RXFP1: variants seen among roughly 807,000 people sequenced by gnomAD.
The protein encoded by RXFP1 is relaxin receptor 1.
RXFP1 carries 73 observed loss-of-function variants against 89.8 expected under a neutral mutation model. The observed-to-expected ratio is 0.81, with a 90% CI of 0.67 to 0.99. The LOEUF is 0.99. RXFP1 is among the 50% of genes least tolerant of loss of function. The pLI is 0.00. For missense variants in RXFP1, 793 were observed against 895.5 expected (o/e 0.89, Z 1.46); for synonymous variants, 277 against 305.5 (o/e 0.91, Z 0.97).
At chr4:158,628,075 T>C (rs1191504923) in intron 10 of RXFP1, among the ~76,000 whole-genome samples, 1 of 152,164 alleles carries the variant, frequency 6.6e-6, no homozygotes, top group African/African-American at 2.4e-5. Flanking sequence ...AAAAGCCCTT[T>C]AAAACTTAGT....
At chr4:158,546,305 C>A (rs998502637) in intron 1 of RXFP1, among the ~76,000 whole-genome samples, 7 of 152,102 alleles carry the variant, frequency 4.6e-5, no homozygotes, top group Non-Finnish European at 1.0e-4. Flanking sequence ...GATTTTGTAT[C>A]CCGAGACTTT....
intron 4 of RXFP1, among the ~76,000 whole-genome samples, chr4:158,601,540 G>C (rs1227233641): frequency 6.6e-6 from 1 of 152,164 alleles, no homozygotes; most frequent in African/African-American, 2.4e-5. Flanking sequence ...TGAGCCACTT[G>C]ATTCCAGTTG....
chr4:158,568,916 A>G (rs1168748305), intron 1 of RXFP1, among the ~76,000 whole-genome samples: 3 of 152,240 alleles, frequency 2.0e-5, no homozygotes, highest in South Asian at 4.1e-4. Flanking sequence ...TTTAATGATT[A>G]TTCAAACTAT....
At chr4:158,580,491 A>G (rs1757131658) in intron 2 of RXFP1, among the ~76,000 whole-genome samples, 1 of 152,168 alleles carries the variant, frequency 6.6e-6, no homozygotes, top group Non-Finnish European at 1.5e-5. Flanking sequence ...CCACTTCTCA[A>G]ATGTACACAG....
At chr4:158,558,674 T>A (rs970202627) in intron 1 of RXFP1, among the ~76,000 whole-genome samples, 5 of 152,192 alleles carry the variant, frequency 3.3e-5, no homozygotes, top group Non-Finnish European at 5.9e-5. Flanking sequence ...ATACATTTGA[T>A]AATCAAAACT....
At chr4:158,568,131 T>C (rs558036138) in intron 1 of RXFP1, among the ~76,000 whole-genome samples, 3 of 152,262 alleles carry the variant, frequency 2.0e-5, no homozygotes, top group South Asian at 2.1e-4. Context: ...CCTGAGCCAG[T>C]GAGACCACGA....
chr4:158,529,241 TTTTTTG>T (rs1013538574), intron 1 of RXFP1, among the ~76,000 whole-genome samples: 7 of 10,652 alleles, frequency 6.6e-4, no homozygotes, highest in African/African-American at 7.3e-4. Context: ...TGCTTGCTTG[TTTTTTG>T]TTGTTGTTGT....
intron 1 of RXFP1, among the ~76,000 whole-genome samples, chr4:158,566,513 G>A (rs1226630736): frequency 6.6e-5 from 10 of 151,974 alleles, no homozygotes; most frequent in Admixed American, 2.0e-4. Context: ...ACAGGCGCCC[G>A]CCATCACACC....
rs533820963 is a variant in RXFP1, at chr4:158,650,495, G to T, written c.1976-1262G>T. Among the ~76,000 whole-genome samples the T allele has an allele frequency of 1.1e-4, 17 of 150,880 alleles. 1 individual carries two copies. The South Asian group carries it at 2.7e-3, about 24-fold the overall frequency. On this transcript the variant is annotated intron_variant, in intron 17 of 17. Coordinates refer to ENST00000307765, the MANE Select transcript of RXFP1 (RefSeq NM_021634.4). ...TTTTAAAATTTTCATGTAGCAGGGCGCAGTGGCTCACACCTGAAATCCCAG... is the reference window on the plus strand; with the variant it reads ...TTTTAAAATTTTCATGTAGCAGGGCTCAGTGGCTCACACCTGAAATCCCAG...
chr4:158,593,257 G>A (rs903097665), intron 2 of RXFP1, 144 bp from the exon 3 acceptor site: 20 of 440,070 alleles, frequency 4.5e-5, no homozygotes, highest in South Asian at 3.3e-4. Flanking sequence ...ATAAATTCAC[G>A]TTTATAGCAA....
At chr4:158,630,851 C>T (rs945966397) in intron 11 of RXFP1, among the ~76,000 whole-genome samples, 1 of 152,180 alleles carries the variant, frequency 6.6e-6, no homozygotes, top group Non-Finnish European at 1.5e-5. Flanking sequence ...CTCTGTGCCC[C>T]TCCAGGCTCC....
chr4:158,564,060 G>A (rs1753064137), intron 1 of RXFP1, among the ~76,000 whole-genome samples: 1 of 151,576 alleles, frequency 6.6e-6, no homozygotes, highest in Non-Finnish European at 1.5e-5. Flanking sequence ...TCTGATCTTA[G>A]AAATTTTGTT....
intron 12 of RXFP1, among the ~76,000 whole-genome samples, chr4:158,634,442 G>A (rs917700132): frequency 1.3e-5 from 2 of 152,108 alleles, no homozygotes; most frequent in African/African-American, 4.8e-5. Context: ...TCAGATACAT[G>A]ATTTTCAAAT....
chr4:158,618,171 C>T (rs1008003274), intron 9 of RXFP1, among the ~76,000 whole-genome samples: 2 of 152,182 alleles, frequency 1.3e-5, no homozygotes, highest in Admixed American at 1.3e-4. Context: ...AAATTAAGTT[C>T]AACATCCCTC....
intron 1 of RXFP1, among the ~76,000 whole-genome samples, chr4:158,568,766 A>G (rs188122811): frequency 1.8e-4 from 27 of 152,352 alleles, no homozygotes; most frequent in African/African-American, 6.3e-4. Context: ...AAAGCCTTTC[A>G]TACATGGATT....
chr4:158,586,203 C>A (rs62351166), intron 2 of RXFP1, among the ~76,000 whole-genome samples: 18,830 of 152,238 alleles, frequency 0.12, 1,488 homozygotes, highest in Middle Eastern at 0.19. Context: ...AGAGACTGAG[C>A]TTTCTCTGAA....
At chr4:158,646,701 T>C (rs1771615166) in intron 15 of RXFP1, 90 bp from the exon 16 acceptor site, 1 of 1,480,016 alleles carries the variant, frequency 6.8e-7, no homozygotes, top group African/African-American at 1.4e-5. Flanking sequence ...AACTTGACTA[T>C]TTTTTCTAGC....
chr4:158,648,595 A>G lies in RXFP1; in HGVS notation c.1853A>G (p.Asn618Ser), dbSNP rs750052982. The G allele has an allele frequency of 9.3e-6, 15 of 1,613,084 alleles. 1 individual carries two copies. Among genetic ancestry groups the G allele is most frequent in the Non-Finnish European group, 1.3e-5 (15 of 1,179,348 alleles). The change falls in exon 17 of 18, where the codon AAT becomes AGT. Residue 618 changes from asparagine (N) to serine (S), a missense_variant. Coordinates refer to ENST00000307765, the MANE Select transcript of RXFP1 (RefSeq NM_021634.4). ...QSAITATEIR[N>S]QVKKEMILAK... ...GCCATAACAGCAACTGAAATACGGA[A>G]TCAAGTTAAAAAAGAGATGATCCTT... is the stretch of plus-strand genomic sequence containing the variant.
At chr4:158,593,316 G>C in intron 2 of RXFP1, 85 bp from the exon 3 acceptor site, 1 of 751,432 alleles carries the variant, frequency 1.3e-6, no homozygotes, top group South Asian at 1.9e-5. Flanking sequence ...CCACTGGACT[G>C]TTTTAAAGAG....
Sources: gnomAD v4.1 joint callset for allele counts (sites outside exome capture counted in the v4.1 genomes callset) on GRCh38, gnomAD v4.1.1 for gene constraint, MANE v1.5 for transcripts, NCBI Gene and HGNC (gene_info 2026-07-23, HGNC 2026-07-21) for gene names.